The following CADM2 variants were observed in gnomAD, a reference collection of about 807,000 sequenced individuals.
The protein encoded by CADM2 is immunoglobulin superfamily member 4D.
CADM2 carries 12 observed loss-of-function variants against 49.8 expected under a neutral mutation model. The ratio of observed to expected loss-of-function variants is 0.24; its 90% confidence interval spans 0.15 to 0.39. CADM2 has a LOEUF of 0.39. Among genes scored for constraint, CADM2 ranks in the 10% least tolerant of loss-of-function variants. The pLI, the probability that CADM2 is intolerant of heterozygous loss-of-function variation, is 1.00. For missense variants in CADM2, 378 were observed against 492.3 expected, an observed-to-expected ratio of 0.77 and a Z score of 2.20; for synonymous variants, 214 against 175.4, an observed-to-expected ratio of 1.22 and a Z score of -1.74.
chr3:85,599,324 T>G (rs2063332399), intron 1 of CADM2, among the ~76,000 whole-genome samples: 1 of 152,160 alleles, frequency 6.6e-6, no homozygotes, highest in African/African-American at 2.4e-5. Flanking sequence ...GACTGAATTA[T>G]AACATTATAT....
chr3:85,053,942 C>T (rs563047970), intron 1 of CADM2, among the ~76,000 whole-genome samples: 1 of 151,614 alleles, frequency 6.6e-6, no homozygotes, highest in Non-Finnish European at 1.5e-5. Flanking sequence ...TCCTGTAGTC[C>T]TCATGATTGC....
chr3:85,461,425 C>T (rs2038239223), intron 1 of CADM2, among the ~76,000 whole-genome samples: 2 of 152,264 alleles, frequency 1.3e-5, no homozygotes, highest in East Asian at 1.9e-4. Context: ...ATAACATACG[C>T]TTTTATTGAT....
chr3:84,976,694 A>T lies in CADM2; in HGVS notation c.61+17026A>T, dbSNP rs562524008. ...ATTTTTATAATATCCTTTGGTCATT[A>T]TTTCTTTGATAATTTTTATCCAAAT... On this transcript the variant is annotated intron_variant, in intron 1 of 9. Transcript: ENST00000383699. Among the ~76,000 whole-genome samples the T allele has an allele frequency of 7.2e-5, 11 of 151,914 alleles. No individual in the cohort carries two copies. In the South Asian group the frequency reaches 2.1e-3, roughly 29 times the overall value.
intron 1 of CADM2, among the ~76,000 whole-genome samples, chr3:85,222,732 A>G (rs976105097): frequency 5.3e-5 from 8 of 152,200 alleles, no homozygotes; most frequent in Non-Finnish European, 1.2e-4. Flanking sequence ...GATATCATCT[A>G]TGAACATTTA....
chr3:85,142,510 C>G (rs188925618), intron 1 of CADM2, among the ~76,000 whole-genome samples: 1 of 152,290 alleles, frequency 6.6e-6, no homozygotes, highest in Admixed American at 6.5e-5. Context: ...AGCCTTTCCT[C>G]CATCCTCATT....
intron 1 of CADM2, among the ~76,000 whole-genome samples, chr3:85,098,482 A>C (rs2037888035): frequency 6.6e-6 from 1 of 152,178 alleles, no homozygotes; most frequent in African/African-American, 2.4e-5. Context: ...GGATTAGATG[A>C]TATCAAAAAT....
At chr3:85,919,420 A>C (rs1393114199) in intron 6 of CADM2, among the ~76,000 whole-genome samples, 1 of 151,994 alleles carries the variant, frequency 6.6e-6, no homozygotes, top group African/African-American at 2.4e-5. Flanking sequence ...AGAGGAAAAT[A>C]AGCTGAAGTG....
intron 1 of CADM2, among the ~76,000 whole-genome samples, chr3:85,149,153 T>A (rs1559689339): frequency 6.6e-6 from 1 of 152,176 alleles, no homozygotes; most frequent in Non-Finnish European, 1.5e-5. Flanking sequence ...CAATATTATC[T>A]TTTTAAATAA....
chr3:85,271,459 C>T (rs1466455728), intron 1 of CADM2, among the ~76,000 whole-genome samples: 1 of 151,248 alleles, frequency 6.6e-6, no homozygotes, highest in East Asian at 1.9e-4. Flanking sequence ...ATAATTGGGT[C>T]ATAAGTTTTG....
chr3:85,914,943 G>A (rs555344268), intron 6 of CADM2, among the ~76,000 whole-genome samples: 1 of 152,164 alleles, frequency 6.6e-6, no homozygotes, highest in African/African-American at 2.4e-5. Context: ...TGCTAATTTT[G>A]TGGACATTGA....
At chr3:85,106,785 G>T (rs975786209) in intron 1 of CADM2, among the ~76,000 whole-genome samples, 12 of 152,002 alleles carry the variant, frequency 7.9e-5, no homozygotes, top group Admixed American at 5.3e-4. Flanking sequence ...GTAGAGGGAG[G>T]CAAAAATGTT....
intron 1 of CADM2, among the ~76,000 whole-genome samples, chr3:85,232,334 G>C (rs772303721): frequency 1.3e-5 from 2 of 151,862 alleles, no homozygotes; most frequent in Non-Finnish European, 2.9e-5. Context: ...TCTGAAGTAG[G>C]ACTTTACATG....
intron 7 of CADM2, among the ~76,000 whole-genome samples, chr3:85,957,834 A>G (rs1243535227): frequency 1.3e-5 from 2 of 151,958 alleles, no homozygotes; most frequent in African/African-American, 4.8e-5. Context: ...ATATGACACA[A>G]AACTATCAAA....
At chr3:86,034,253 GATATTTT>G (rs1734901332) in intron 8 of CADM2, among the ~76,000 whole-genome samples, 2 of 151,880 alleles carry the variant, frequency 1.3e-5, no homozygotes, top group Admixed American at 1.3e-4. Flanking sequence ...CTGAGAATGT[GATATTTT>G]GTGTTCCCAT....
chr3:85,462,873 C>T (rs763451085), intron 1 of CADM2, among the ~76,000 whole-genome samples: 1 of 152,110 alleles, frequency 6.6e-6, no homozygotes, highest in Non-Finnish European at 1.5e-5. Flanking sequence ...GACCACATTA[C>T]TGAAAAAAGG....
At chr3:85,734,298 T>C (rs916992490) in intron 2 of CADM2, among the ~76,000 whole-genome samples, 5 of 152,010 alleles carry the variant, frequency 3.3e-5, no homozygotes, top group African/African-American at 1.2e-4. Context: ...GCTTTGCTCA[T>C]GGTCAGGAAA....
At chr3:85,081,357 C>G (rs1033094418) in intron 1 of CADM2, among the ~76,000 whole-genome samples, 5 of 152,120 alleles carry the variant, frequency 3.3e-5, no homozygotes, top group African/African-American at 4.8e-5. Context: ...TGTAAAACTG[C>G]TCAGAGCGCA....
intron 1 of CADM2, among the ~76,000 whole-genome samples, chr3:84,982,903 G>C (rs954714827): frequency 6.7e-6 from 1 of 150,226 alleles, no homozygotes; most frequent in Non-Finnish European, 1.5e-5. Context: ...CCGCCACCAT[G>C]CCCAGCTAAT....
intron 1 of CADM2, among the ~76,000 whole-genome samples, chr3:85,496,504 C>G (rs964954636): frequency 6.6e-6 from 1 of 152,118 alleles, no homozygotes. Flanking sequence ...AATGAACATA[C>G]GAATGCATGT....
Sources: gnomAD v4.1 joint callset for allele counts (sites outside exome capture counted in the v4.1 genomes callset) on GRCh38, gnomAD v4.1.1 for gene constraint, MANE v1.5 for transcripts, NCBI Gene and HGNC (gene_info 2026-07-23, HGNC 2026-07-21) for gene names.